The following ELAVL2 variants were observed in gnomAD, a reference collection of about 807,000 sequenced individuals.
The protein encoded by ELAVL2 is ELAV-like protein 2.
ELAVL2 carries 4 observed loss-of-function variants against 34.6 expected under a neutral mutation model. The observed-to-expected ratio is 0.12, with a 90% CI of 0.06 to 0.26. The LOEUF (loss-of-function observed/expected upper bound fraction) is 0.26, where lower values mean the gene tolerates loss of function less well. Ranked by LOEUF, ELAVL2 falls within the 10% of genes least tolerant of loss-of-function variation. ELAVL2 has a pLI of 1.00. For missense variants in ELAVL2, 432 were observed against 442.8 expected (o/e 0.98, Z 0.22); for synonymous variants, 193 against 154.8 (o/e 1.25, Z -1.83).
chr9:23,840,704 C>A, the ELAVL2 span, among the ~76,000 whole-genome samples: 1 of 152,096 alleles, frequency 6.6e-6, no homozygotes, highest in Non-Finnish European at 1.5e-5. Flanking sequence ...TGTGAGATAA[C>A]CCCGGGAAAT....
chr9:23,811,331 G>GAA (rs3838731), intron 1 of ELAVL2, among the ~76,000 whole-genome samples: 5,928 of 138,302 alleles, frequency 0.043, 173 homozygotes, highest in Middle Eastern at 0.12. Context: ...ACCTTTCAAG[G>GAA]AAAAAAAAAA....
At chr9:23,747,157 A>G (rs1237866729) in intron 2 of ELAVL2, among the ~76,000 whole-genome samples, 1 of 147,296 alleles carries the variant, frequency 6.8e-6, no homozygotes, top group East Asian at 2.0e-4. Context: ...CATAATATAC[A>G]CTACTTTTTT....
chr9:23,747,876 C>T (rs1243713592), intron 2 of ELAVL2, among the ~76,000 whole-genome samples: 2 of 151,868 alleles, frequency 1.3e-5, no homozygotes, highest in African/African-American at 2.4e-5. Context: ...TGGCTGATGC[C>T]AACAGAGAAG....
At chr9:23,774,136 AGGAG>A (rs2057787665) in intron 1 of ELAVL2, among the ~76,000 whole-genome samples, 1 of 145,386 alleles carries the variant, frequency 6.9e-6, no homozygotes, top group African/African-American at 2.5e-5. Flanking sequence ...GCATGAACCC[AGGAG>A]GCAGAGCTTG....
At chr9:23,769,428 G>C (rs144810018) in intron 1 of ELAVL2, among the ~76,000 whole-genome samples, 1 of 152,122 alleles carries the variant, frequency 6.6e-6, no homozygotes, top group Non-Finnish European at 1.5e-5. Context: ...GGTATTTTCA[G>C]GATATGTTTG....
intron 5 of ELAVL2, among the ~76,000 whole-genome samples, chr9:23,697,207 T>C (rs2035562357): frequency 6.6e-6 from 1 of 152,046 alleles, no homozygotes; most frequent in Admixed American, 6.6e-5. Context: ...TAAAAAAAGA[T>C]TACTACAAAT....
At chr9:23,816,704 G>C (rs1474874767) in intron 1 of ELAVL2, among the ~76,000 whole-genome samples, 1 of 152,074 alleles carries the variant, frequency 6.6e-6, no homozygotes, top group African/African-American at 2.4e-5. Flanking sequence ...TCTATGGTAA[G>C]AGACTCTCTC....
intron 1 of ELAVL2, among the ~76,000 whole-genome samples, chr9:23,802,710 A>G (rs1458277481): frequency 6.6e-6 from 1 of 152,230 alleles, no homozygotes; most frequent in East Asian, 1.9e-4. Flanking sequence ...AATGTACAGT[A>G]GAGCTTTCTA....
intron 4 of ELAVL2, among the ~76,000 whole-genome samples, chr9:23,703,161 G>C (rs10966030): frequency 6.6e-5 from 10 of 152,080 alleles, no homozygotes; most frequent in African/African-American, 2.4e-4. Flanking sequence ...ACATACTTGA[G>C]AACCGCTGAC....
At position 23,695,734 on chromosome 9, in the gene ELAVL2, C is replaced by G. The variant is rs2034930052; in HGVS notation, c.714-2248G>C. ...CTAAGTATTGTGTATTTAACCATAT[C>G]TAAACATAGAAAAGGTAATGCATTG... On this transcript the variant is annotated intron_variant, in intron 5 of 6. Coordinates refer to ENST00000397312, the MANE Select transcript of ELAVL2 (RefSeq NM_004432.5). Among the ~76,000 whole-genome samples, 5 of 152,090 alleles carry G rather than the reference C, an allele frequency of 3.3e-5. No homozygotes were observed. The South Asian group carries it at 6.2e-4, about 19-fold the overall frequency.
intron 2 of ELAVL2, among the ~76,000 whole-genome samples, chr9:23,747,596 A>G (rs1283849917): frequency 6.6e-6 from 1 of 152,156 alleles, no homozygotes; most frequent in East Asian, 1.9e-4. Context: ...CCAGAGGTAG[A>G]AGACCTTCCT....
intron 3 of ELAVL2, among the ~76,000 whole-genome samples, chr9:23,719,202 C>G (rs2043051334): frequency 6.6e-6 from 1 of 152,180 alleles, no homozygotes; most frequent in Non-Finnish European, 1.5e-5. Context: ...TTTAATTACA[C>G]TGAATGATTT....
intron 2 of ELAVL2, among the ~76,000 whole-genome samples, chr9:23,756,219 T>G (rs1325077127): frequency 6.6e-6 from 1 of 152,178 alleles, no homozygotes; most frequent in Non-Finnish European, 1.5e-5. Flanking sequence ...AGAACACTCA[T>G]ATTAATAAAA....
chr9:23,707,067 A>AGG (rs956622897), intron 3 of ELAVL2, among the ~76,000 whole-genome samples: 12 of 152,236 alleles, frequency 7.9e-5, no homozygotes, highest in Non-Finnish European at 1.5e-4. Context: ...AATTTGGAAT[A>AGG]GTGGTGGAGA....
At chr9:23,812,908 A>G (rs2063199704) in intron 1 of ELAVL2, among the ~76,000 whole-genome samples, 1 of 152,110 alleles carries the variant, frequency 6.6e-6, no homozygotes, top group South Asian at 2.1e-4. Flanking sequence ...CTGCCAGGAG[A>G]GCAGGGTTTT....
At chr9:23,823,101 GCTAA>G (rs1200777874) in intron 1 of ELAVL2, among the ~76,000 whole-genome samples, 2 of 152,232 alleles carry the variant, frequency 1.3e-5, no homozygotes, top group Non-Finnish European at 2.9e-5. Context: ...ACCGGATACA[GCTAA>G]CTGATTCTAT....
intron 2 of ELAVL2, among the ~76,000 whole-genome samples, chr9:23,754,582 G>T (rs1033768240): frequency 6.6e-6 from 1 of 151,882 alleles, no homozygotes; most frequent in African/African-American, 2.4e-5. Flanking sequence ...CCTCAGCCTT[G>T]TGAGTACCTG....
At chr9:23,815,768 T>C (rs1236468550) in intron 1 of ELAVL2, among the ~76,000 whole-genome samples, 1 of 151,986 alleles carries the variant, frequency 6.6e-6, no homozygotes, top group Non-Finnish European at 1.5e-5. Flanking sequence ...ATTAAGAATT[T>C]CAACCTAAGT....
At chr9:23,715,947 C>T (rs546329493) in intron 3 of ELAVL2, among the ~76,000 whole-genome samples, 1 of 152,244 alleles carries the variant, frequency 6.6e-6, no homozygotes, top group African/African-American at 2.4e-5. Context: ...GACTTTCATA[C>T]ACTTCTTCAT....
Sources: gnomAD v4.1 joint callset for allele counts (sites outside exome capture counted in the v4.1 genomes callset) on GRCh38, gnomAD v4.1.1 for gene constraint, MANE v1.5 for transcripts, NCBI Gene and HGNC (gene_info 2026-07-23, HGNC 2026-07-21) for gene names.